Variants in NAV1 observed in about 807,000 individuals in gnomAD.
NAV1 encodes the protein pore membrane and/or filament interacting like protein 3.
In NAV1, 18 loss-of-function variants were observed where a neutral mutation model predicts 175.2. The ratio of observed to expected loss-of-function variants is 0.10; its 90% CI spans 0.07 to 0.15. The LOEUF is 0.15. NAV1 is among the 10% of genes least tolerant of loss of function. NAV1 has a pLI of 1.00. For missense variants in NAV1, 1,731 were observed against 2,436.6 expected (o/e 0.71, Z 6.10); for synonymous variants, 897 against 978.7 (o/e 0.92, Z 1.56).
At chr1:201,706,230 T>G (rs971512275) in intron 1 of NAV1, among the ~76,000 whole-genome samples, 2 of 151,160 alleles carry the variant, frequency 1.3e-5, no homozygotes, top group African/African-American at 2.4e-5. Flanking sequence ...TTTCTCTCTC[T>G]CTTTTTGGGA....
chr1:201,675,891 T>G (rs1670231085), intron 1 of NAV1, among the ~76,000 whole-genome samples: 1 of 152,240 alleles, frequency 6.6e-6, no homozygotes, highest in Non-Finnish European at 1.5e-5. Flanking sequence ...ATTGGCCCAG[T>G]GGCCGGCCTC....
chr1:201,819,454 ATTT>A (rs11390244), intron 29 of NAV1, among the ~76,000 whole-genome samples: 4 of 132,584 alleles, frequency 3.0e-5, no homozygotes, highest in Admixed American at 1.5e-4. Flanking sequence ...CATGATCTAG[ATTT>A]TTTTTTTTTT....
At chr1:201,735,452 GAGGAGGAAAGACAGC>G (rs1368023973) in intron 3 of NAV1, among the ~76,000 whole-genome samples, 1 of 152,200 alleles carries the variant, frequency 6.6e-6, no homozygotes, top group Non-Finnish European at 1.5e-5. Context: ...CCTGGAGGTT[GAGGAGGAAAGACAGC>G]AGCCATGCTG....
chr1:201,761,867 C>CA (rs1674866422), intron 3 of NAV1, among the ~76,000 whole-genome samples: 1 of 152,004 alleles, frequency 6.6e-6, no homozygotes, highest in Non-Finnish European at 1.5e-5. Context: ...AAAACTAAAT[C>CA]AGAGGCCATG....
chr1:201,760,082 G>A (rs76156952), intron 3 of NAV1, among the ~76,000 whole-genome samples: 1 of 152,166 alleles, frequency 6.6e-6, no homozygotes, highest in Non-Finnish European at 1.5e-5. Context: ...AGTTACAAAA[G>A]TTACTGGAAT....
intron 1 of NAV1, among the ~76,000 whole-genome samples, chr1:201,691,907 TG>T (rs1670963031): frequency 6.6e-6 from 1 of 152,234 alleles, no homozygotes; most frequent in African/African-American, 2.4e-5. Context: ...TCCCTGACTG[TG>T]GTCTAGAGAC....
intron 1 of NAV1, among the ~76,000 whole-genome samples, chr1:201,568,109 C>T (rs532714215): frequency 6.6e-6 from 1 of 152,236 alleles, no homozygotes; most frequent in African/African-American, 2.4e-5. Flanking sequence ...GTGCGGGCAT[C>T]CTGGGCTGAC....
At chr1:201,572,851 G>A (rs986367752) in intron 1 of NAV1, among the ~76,000 whole-genome samples, 7 of 152,066 alleles carry the variant, frequency 4.6e-5, no homozygotes, top group Admixed American at 3.3e-4. Context: ...CTGGGGTAGG[G>A]GGTGGTTTCC....
chr1:201,622,766 C>A, upstream of NAV1: 1 of 959,370 alleles, frequency 1.0e-6, no homozygotes, highest in Non-Finnish European at 1.2e-6. Context: ...AGCCTCCCCA[C>A]AGACCCCAAC....
intron 1 of NAV1, among the ~76,000 whole-genome samples, chr1:201,579,128 A>G (rs1666775295): frequency 6.6e-6 from 1 of 151,674 alleles, no homozygotes; most frequent in Non-Finnish European, 1.5e-5. Flanking sequence ...AGCAAAACTC[A>G]GTCTCAAAAA....
At chr1:201,649,341 G>A in exon 1 of NAV1, 1 of 1,611,222 alleles carries the variant, frequency 6.2e-7, no homozygotes, top group Non-Finnish European at 8.5e-7. Flanking sequence ...GGGCCAGGAG[G>A]AGCGCGCCTT....
At chr1:201,567,806 C>T (rs946494273) in intron 1 of NAV1, among the ~76,000 whole-genome samples, 2 of 152,134 alleles carry the variant, frequency 1.3e-5, no homozygotes, top group African/African-American at 2.4e-5. Flanking sequence ...CCAGTTGTGT[C>T]GGTACCCAAA....
chr1:201,803,825 C>A, intron 16 of NAV1, 111 bp downstream of exon 20: 3 of 1,363,380 alleles, frequency 2.2e-6, no homozygotes, highest in Non-Finnish European at 3.0e-6. Context: ...TCCCGTCTAA[C>A]ACTGAGCCCT....
chr1:201,786,830 G>A (rs1362990344), intron 9 of NAV1, among the ~76,000 whole-genome samples: 1 of 152,202 alleles, frequency 6.6e-6, no homozygotes, highest in Non-Finnish European at 1.5e-5. Flanking sequence ...TGGTGGCATG[G>A]AAAAGCTGTA....
chr1:201,693,970 TC>T (rs1671072532), intron 1 of NAV1, among the ~76,000 whole-genome samples: 1 of 152,132 alleles, frequency 6.6e-6, no homozygotes, highest in Non-Finnish European at 1.5e-5. Context: ...ATCTCAGCCA[TC>T]CCCCGGCCTC....
rs79680159 is a variant in NAV1 at position 201,715,789 on chromosome 1, C to T, written c.861-2601C>T. Among the ~76,000 whole-genome samples, 849 of 152,300 alleles carry T rather than the reference C, an allele frequency of 5.6e-3. 9 individuals carry two copies. Among genetic ancestry groups the T allele is most frequent in the African/African-American group, 0.018 (768 of 41,568 alleles). On this transcript the variant is annotated intron_variant, in intron 2 of 29. Transcript: ENST00000367296. Reference sequence around the variant, plus strand: ...ACTGGATTCCATTCCTTTTCAGAAGCCTTTACTCCTGTGCTGCTTCCTCAA... The same window carrying T: ...ACTGGATTCCATTCCTTTTCAGAAGTCTTTACTCCTGTGCTGCTTCCTCAA...
intron 2 of NAV1, among the ~76,000 whole-genome samples, chr1:201,595,875 T>G (rs2102222062): frequency 6.6e-6 from 1 of 152,360 alleles, no homozygotes; most frequent in Non-Finnish European, 1.5e-5. Flanking sequence ...TGATGCAGCA[T>G]TCTCCTCCTC....
upstream of NAV1, among the ~76,000 whole-genome samples, chr1:201,646,201 C>T (rs779473492): frequency 6.6e-6 from 1 of 152,212 alleles, no homozygotes; most frequent in Non-Finnish European, 1.5e-5. Context: ...TTCCTTTAAC[C>T]AGTTCTTCAC....
intron 15 of NAV1, among the ~76,000 whole-genome samples, 157 bp from the exon 20 acceptor site, chr1:201,803,434 CAA>C (rs1678066330): frequency 6.6e-6 from 1 of 152,136 alleles, no homozygotes; most frequent in Non-Finnish European, 1.5e-5. Context: ...GATTGGGACT[CAA>C]TAAATGTTTG....
Sources: allele counts gnomAD v4.1 joint callset (sites outside exome capture counted in the v4.1 genomes callset), GRCh38; gene constraint gnomAD v4.1.1; transcripts MANE v1.5; gene names NCBI Gene and HGNC (gene_info 2026-07-23, HGNC 2026-07-21).